RHOQ: variants seen among roughly 807,000 people sequenced by gnomAD.
RHOQ encodes rho-related GTP-binding protein RhoQ.
In RHOQ, 7 loss-of-function variants were observed where a neutral mutation model predicts 25.8. The ratio of observed to expected loss-of-function variants is 0.27; its 90% CI spans 0.15 to 0.51. RHOQ has a LOEUF of 0.51. Among genes scored for constraint, RHOQ ranks in the 20% least tolerant of loss-of-function variants. RHOQ has a pLI of 0.97. For missense variants in RHOQ, 165 were observed against 260.6 expected, an observed-to-expected ratio of 0.63 and a Z score of 2.53; for synonymous variants, 97 against 98.6, an observed-to-expected ratio of 0.98 and a Z score of 0.10.
chr2:46,581,627 A>AT lies in RHOQ; in HGVS notation c.*545dup. The stretch of plus-strand genomic sequence containing the variant: ...AATGTATGAGATCAAAAAAGAACAA[A>AT]TGTTTTATTATTACTTGAGCACAAG... On this transcript the variant is annotated 3_prime_UTR_variant, in exon 5 of 5. Coordinates refer to ENST00000238738, the MANE Select transcript of RHOQ (RefSeq NM_012249.4). 6.3e-7 allele frequency: 1 copy of AT among 1,597,562 alleles called. No individual in the cohort carries two copies. The highest frequency in any genetic ancestry group is 1.1e-5 in the South Asian group (1 of 89,306).
In RHOQ at chr2:46,566,791, T is replaced by C. The variant is rs141762358; in HGVS notation, c.202-9296T>C. Among the ~76,000 whole-genome samples, 230 of 152,314 alleles carry C rather than the reference T, an allele frequency of 1.5e-3. No individual in the cohort carries two copies. Among genetic ancestry groups the C allele is most frequent in the Non-Finnish European group, 2.6e-3 (174 of 68,034 alleles). ...CGTTTGCATACATTGTCTTGTTGTC[T>C]GTCTCCTTAAGCGGTCCCTCAGGTC... is the stretch of plus-strand genomic sequence containing the variant. On this transcript the variant is annotated intron_variant, in intron 2 of 4. Transcript: ENST00000238738. The surrounding 1 kb of genome is among the most constrained non-coding windows in gnomAD (Gnocchi z 4.2).
At position 46,555,768 on chromosome 2, in the gene RHOQ, C is replaced by G. The variant is rs1668392989; in HGVS notation, c.201+11956C>G. Among the ~76,000 whole-genome samples, 3 of 152,084 alleles carry G rather than the reference C, an allele frequency of 2.0e-5. No individual in the cohort carries two copies. In the South Asian group the frequency reaches 6.2e-4, roughly 32 times the overall value. On this transcript the variant is annotated intron_variant, in intron 2 of 4. Coordinates refer to ENST00000238738, the MANE Select transcript of RHOQ (RefSeq NM_012249.4). The surrounding 1 kb of genome is among the most constrained non-coding windows in gnomAD (Gnocchi z 4.3). ...GTGTGCTTCCAGAGTGGCCTGTGGC[C>G]CTCTGTGATAAGTCGGTAGGAGGGG...
chr2:46,564,105 G>T (rs1347751768), intron 2 of RHOQ, among the ~76,000 whole-genome samples: 1 of 151,956 alleles, frequency 6.6e-6, no homozygotes, highest in Non-Finnish European at 1.5e-5. Flanking sequence ...AGGAGTTCAA[G>T]ACCAGCCTAG....
chr2:46,553,022 A>T (rs966261460), intron 2 of RHOQ, among the ~76,000 whole-genome samples: 4 of 152,228 alleles, frequency 2.6e-5, no homozygotes, highest in Non-Finnish European at 5.9e-5. Flanking sequence ...ACTGGTTCTC[A>T]AAGTGTGATC....
intron 2 of RHOQ, among the ~76,000 whole-genome samples, chr2:46,546,511 T>C (rs1218250053): frequency 1.4e-3 from 30 of 21,974 alleles, no homozygotes; most frequent in East Asian, 8.5e-3. Flanking sequence ...TATATATATA[T>C]GTATATACAT....
chr2:46,565,884 A>G (rs900202575), intron 2 of RHOQ, among the ~76,000 whole-genome samples: 3 of 152,206 alleles, frequency 2.0e-5, no homozygotes, highest in African/African-American at 7.2e-5. Flanking sequence ...AACAAACAGG[A>G]TGACAGGAGA....
At chr2:46,551,492 GTC>G (rs1668240615) in intron 2 of RHOQ, among the ~76,000 whole-genome samples, 1 of 152,204 alleles carries the variant, frequency 6.6e-6, no homozygotes, top group Non-Finnish European at 1.5e-5. Context: ...ACCCCAAAGC[GTC>G]TTTTTATGGA....
intron 4 of RHOQ, among the ~76,000 whole-genome samples, chr2:46,579,525 AC>A (rs1669267052): frequency 6.6e-6 from 1 of 152,142 alleles, no homozygotes; most frequent in Non-Finnish European, 1.5e-5. Flanking sequence ...TTCTTCTTTT[AC>A]CCTCCAAGCC....
At position 46,581,500 on chromosome 2, in the gene RHOQ, T is replaced by A; in HGVS notation, c.*417T>A. ...CAGTTAATTGTTCTTGTATGTAAGT[T>A]GCTTTCTATTCCAGTATATCCAGAG... On this transcript the variant is annotated 3_prime_UTR_variant, in exon 5 of 5. Transcript: ENST00000238738. 1 of 1,611,476 alleles carries A rather than the reference T, an allele frequency of 6.2e-7. No homozygotes were observed. The highest frequency in any genetic ancestry group is 1.3e-5 in the African/African-American group (1 of 74,966).
At chr2:46,572,714 G>T in intron 2 of RHOQ, 1 of 442,612 alleles carries the variant, frequency 2.3e-6, no homozygotes. Context: ...AAATATAATG[G>T]GTTTGTTAAT....
rs975013040 is a variant in RHOQ, at chr2:46,556,512, T to C, written c.201+12700T>C. 6.6e-6 allele frequency among the ~76,000 whole-genome samples: 1 copy of C among 151,874 alleles called. No homozygotes were observed. Among genetic ancestry groups the C allele is most frequent in the Admixed American group, 6.6e-5 (1 of 15,244 alleles). On this transcript the variant is annotated intron_variant, in intron 2 of 4. Coordinates refer to ENST00000238738, the MANE Select transcript of RHOQ (RefSeq NM_012249.4). The surrounding 1 kb of genome is among the most constrained non-coding windows in gnomAD (Gnocchi z 4.9). Reference sequence around the variant, plus strand: ...ATTTTTTTTTTTTTGTTCCTTTTAATGCTTGGGTCTGGACCTTCCAGTGTT... The same window carrying C: ...ATTTTTTTTTTTTTGTTCCTTTTAACGCTTGGGTCTGGACCTTCCAGTGTT...
chr2:46,548,482 G>C lies in RHOQ; in HGVS notation c.201+4670G>C, dbSNP rs1025830194. ...CACCCTTCAAGGTAGACTTCTCCCA[G>C]ATGAGGAAATTGGGAACAAGTGGGC... On this transcript the variant is annotated intron_variant, in intron 2 of 4. Coordinates refer to ENST00000238738, the MANE Select transcript of RHOQ (RefSeq NM_012249.4). The surrounding 1 kb of genome is among the most constrained non-coding windows in gnomAD (Gnocchi z 5.2). 6.6e-6 allele frequency among the ~76,000 whole-genome samples: 1 copy of C among 152,216 alleles called. No homozygotes were observed. Among genetic ancestry groups the C allele is most frequent in the African/African-American group, 2.4e-5 (1 of 41,460 alleles).
rs1395718374 is a variant in RHOQ at position 46,552,037 on chromosome 2, C to G, written c.201+8225C>G. Among the ~76,000 whole-genome samples the G allele has an allele frequency of 6.6e-6, 1 of 152,224 alleles. No homozygotes were observed. Among genetic ancestry groups the G allele is most frequent in the Non-Finnish European group, 1.5e-5 (1 of 68,044 alleles). On this transcript the variant is annotated intron_variant, in intron 2 of 4. Coordinates refer to ENST00000238738, the MANE Select transcript of RHOQ (RefSeq NM_012249.4). This position sits in a 1 kb window ranked among gnomAD's most constrained non-coding sequence, Gnocchi z 5.0. ...ATGTTAAGTCACTCTCCCTAATCAT[C>G]TGGCCCATGTTAAATGCCTCTTTTA...
At chr2:46,550,232 G>GT (rs1485662594) in intron 2 of RHOQ, among the ~76,000 whole-genome samples, 2 of 148,130 alleles carry the variant, frequency 1.4e-5, no homozygotes, top group African/African-American at 2.5e-5. Context: ...GCGAGACCGT[G>GT]TTTATTTAAA....
chr2:46,575,732 T>C (rs768134868), intron 2 of RHOQ, among the ~76,000 whole-genome samples: 8 of 152,242 alleles, frequency 5.3e-5, no homozygotes, highest in Non-Finnish European at 1.0e-4. Flanking sequence ...ATATTTAGCA[T>C]GTATTAATTA....
At chr2:46,561,749 G>A (rs759231499) in intron 2 of RHOQ, among the ~76,000 whole-genome samples, 65 of 152,188 alleles carry the variant, frequency 4.3e-4, no homozygotes, top group East Asian at 7.7e-4. Context: ...CCTTGGACCC[G>A]TTTATCCCAT....
At chr2:46,564,509 G>A (rs903057014) in intron 2 of RHOQ, among the ~76,000 whole-genome samples, 9 of 152,146 alleles carry the variant, frequency 5.9e-5, no homozygotes, top group African/African-American at 7.2e-5. Context: ...AGCCATCCTC[G>A]TCCTCAGATG....
chr2:46,572,116 T>G (rs1229510246), intron 2 of RHOQ, among the ~76,000 whole-genome samples: 4 of 134,784 alleles, frequency 3.0e-5, no homozygotes, highest in East Asian at 4.1e-4. Context: ...TGTTTTTTTT[T>G]TTTTTTTTTT....
rs746265771 is a variant in RHOQ at position 46,572,107 on chromosome 2, GTTTTTTTTTT to G, written c.202-3962_202-3953del. Among the ~76,000 whole-genome samples the G allele has an allele frequency of 6.0e-5, 4 of 66,258 alleles. No homozygotes were observed. In the South Asian group the frequency reaches 1.7e-3, roughly 29 times the overall value. The allele number at this position is 66,258 out of a possible 152,430, so 43.5% of individuals were successfully genotyped here. A position where few individuals can be genotyped will look rare whatever the true frequency, so the allele number is the denominator to read the frequency against. On this transcript the variant is annotated intron_variant, in intron 2 of 4. Coordinates refer to ENST00000238738, the MANE Select transcript of RHOQ (RefSeq NM_012249.4). ...GATTCTTATCAGGTGGTAAGTGTGT[GTTTTTTTTTT>G]TTTTTTTTTTTTTTTTTGAGACAGG...
Sources: gnomAD v4.1 joint callset for allele counts (sites outside exome capture counted in the v4.1 genomes callset) on GRCh38, gnomAD v4.1.1 for gene constraint, Gnocchi (gnomAD v3.1) non-coding constraint, MANE v1.5 for transcripts, NCBI Gene and HGNC (gene_info 2026-07-23, HGNC 2026-07-21) for gene names.